The following TFDP2 variants were observed in gnomAD, a reference collection of about 807,000 sequenced individuals.
The protein encoded by TFDP2 is transcription factor Dp-2, also known as transcription factor Dp-2 (E2F dimerization partner 2).
Under a neutral mutation model 59.3 loss-of-function variants are expected in TFDP2, and 17 were observed. The observed-to-expected ratio is 0.29, with a 90% CI of 0.20 to 0.43. TFDP2 has a LOEUF of 0.43. TFDP2 is among the 20% of genes least tolerant of loss of function. The pLI is 1.00. For missense variants in TFDP2, 391 were observed against 528.8 expected (o/e 0.74, Z 2.56); for synonymous variants, 180 against 194.7 (o/e 0.92, Z 0.63).
chr3:142,114,399 TAAG>T (rs2061776540), intron 1 of TFDP2, among the ~76,000 whole-genome samples: 1 of 152,276 alleles, frequency 6.6e-6, no homozygotes, highest in East Asian at 1.9e-4. Context: ...TATAAATGTT[TAAG>T]AATATAAAGT....
chr3:141,984,860 T>C (rs1027090707), intron 6 of TFDP2, among the ~76,000 whole-genome samples: 1 of 152,250 alleles, frequency 6.6e-6, no homozygotes, highest in Non-Finnish European at 1.5e-5. Flanking sequence ...CCAAATTCAA[T>C]ATGAGAGGGG....
At chr3:142,018,341 A>T (rs1419332040) in intron 3 of TFDP2, among the ~76,000 whole-genome samples, 1 of 152,216 alleles carries the variant, frequency 6.6e-6, no homozygotes, top group African/African-American at 2.4e-5. Context: ...AGTATTACAT[A>T]TACTACTGCA....
chr3:142,106,099 A>C (rs1218069996), intron 1 of TFDP2, among the ~76,000 whole-genome samples: 1 of 103,448 alleles, frequency 9.7e-6, no homozygotes, highest in Non-Finnish European at 2.0e-5. Flanking sequence ...TAGAAAAAAA[A>C]CCTGTTTAAT....
chr3:141,959,715 G>T lies in TFDP2; in HGVS notation c.1010C>A (p.Ala337Glu), dbSNP rs776411928. 2.5e-6 allele frequency: 4 copies of T among 1,613,956 alleles called. No homozygotes were observed. The highest frequency in any genetic ancestry group is 1.7e-6 in the Non-Finnish European group (2 of 1,180,024). The change falls in exon 11 of 13, where the codon GCG becomes GAG. Residue 337 changes from alanine to glutamate, a missense_variant. Coordinates refer to ENST00000489671, the MANE Select transcript of TFDP2 (RefSeq NM_001178139.2). ...TAAAGCCTTTGGCACCAGGGATTTCGCAAGTTTCAGATCCTCCAGAGAGCA... is the reference window on the plus strand; with the variant it reads ...TAAAGCCTTTGGCACCAGGGATTTCTCAAGTTTCAGATCCTCCAGAGAGCA... ...GKCSLEDLKLAKSLVPKALEG... is the reference protein window; with the variant it reads ...GKCSLEDLKLEKSLVPKALEG...
In TFDP2 at chr3:142,108,573, C is replaced by T. The variant is rs187627908; in HGVS notation, c.-92-6732G>A. On this transcript the variant is annotated intron_variant, in intron 1 of 12. Transcript: ENST00000489671. ...GATTTGTCTCTATATTTCAACTTGA[C>T]AGTTGTAAATTTCCTCATTCACTTT... is the stretch of plus-strand genomic sequence containing the variant. 2.4e-4 allele frequency among the ~76,000 whole-genome samples: 37 copies of T among 152,286 alleles called. No homozygotes were observed. In the East Asian group the frequency reaches 7.1e-3, roughly 29 times the overall value.
chr3:142,019,263 C>T (rs1007340896), intron 3 of TFDP2, among the ~76,000 whole-genome samples: 67 of 152,188 alleles, frequency 4.4e-4, no homozygotes, highest in African/African-American at 1.6e-3. Flanking sequence ...GGGGTTTCAC[C>T]GTGTTGCCCA....
At chr3:142,025,796 A>T (rs1946035484) in intron 3 of TFDP2, among the ~76,000 whole-genome samples, 1 of 152,186 alleles carries the variant, frequency 6.6e-6, no homozygotes, top group South Asian at 2.1e-4. Flanking sequence ...TAATTGAAAT[A>T]ATGATTCAAT....
At chr3:141,975,260 G>T (rs537186535) in intron 7 of TFDP2, among the ~76,000 whole-genome samples, 1 of 151,906 alleles carries the variant, frequency 6.6e-6, no homozygotes, top group East Asian at 1.9e-4. Context: ...AAACCATGTT[G>T]GTTTACATTG....
rs141940101 is a variant in TFDP2 at position 142,083,302 on chromosome 3, A to G, written c.82+9759T>C. On this transcript the variant is annotated intron_variant, in intron 3 of 12. Transcript: ENST00000489671. Reference sequence around the variant, plus strand: ...TAAATACCTAGGAATTAGTCAAAGAAATGAAAGATCCCTACAATAAAAACT... The same window carrying G: ...TAAATACCTAGGAATTAGTCAAAGAGATGAAAGATCCCTACAATAAAAACT... 3.4e-3 allele frequency among the ~76,000 whole-genome samples: 512 copies of G among 152,232 alleles called. 2 individuals are homozygous for G. The highest frequency in any genetic ancestry group is 0.012 in the African/African-American group (482 of 41,544).
At chr3:142,022,185 A>G (rs1945670059) in intron 3 of TFDP2, among the ~76,000 whole-genome samples, 1 of 152,164 alleles carries the variant, frequency 6.6e-6, no homozygotes, top group African/African-American at 2.4e-5. Flanking sequence ...GATTCACTAC[A>G]AAGGGAAGAG....
chr3:142,054,555 A>G (rs1042230446), intron 3 of TFDP2, among the ~76,000 whole-genome samples: 9 of 152,194 alleles, frequency 5.9e-5, no homozygotes, highest in African/African-American at 2.2e-4. Flanking sequence ...CGTGTATCTC[A>G]GGTGGCACTT....
At chr3:142,068,478 T>C (rs1001310231) in intron 3 of TFDP2, among the ~76,000 whole-genome samples, 14 of 152,330 alleles carry the variant, frequency 9.2e-5, no homozygotes, top group Admixed American at 9.1e-4. Flanking sequence ...GTTTTTCCAC[T>C]ACCAGATAAC....
intron 9 of TFDP2, among the ~76,000 whole-genome samples, chr3:141,969,073 TGA>T (rs1432584098): frequency 6.8e-5 from 5 of 73,466 alleles, no homozygotes; most frequent in African/African-American, 2.0e-4. Context: ...CTCATATATA[TGA>T]GATATATATA....
At chr3:142,143,126 C>T (rs2063023949) in intron 1 of TFDP2, among the ~76,000 whole-genome samples, 1 of 152,134 alleles carries the variant, frequency 6.6e-6, no homozygotes, top group Non-Finnish European at 1.5e-5. Flanking sequence ...GTCCCAGCTA[C>T]TTGGGTGGCT....
At chr3:142,009,422 C>T (rs1259220812) in intron 3 of TFDP2, among the ~76,000 whole-genome samples, 2 of 152,016 alleles carry the variant, frequency 1.3e-5, no homozygotes, top group African/African-American at 4.8e-5. Context: ...TTTCTTAAAA[C>T]AAAATGTGGC....
chr3:142,089,699 T>C (rs762771719), intron 3 of TFDP2, among the ~76,000 whole-genome samples: 61 of 151,720 alleles, frequency 4.0e-4, no homozygotes, highest in Non-Finnish European at 6.8e-4. Context: ...AATAAGGAAA[T>C]GAAAAAATGT....
chr3:142,025,528 A>G (rs1225719384), intron 3 of TFDP2, among the ~76,000 whole-genome samples: 1 of 152,234 alleles, frequency 6.6e-6, no homozygotes, highest in Non-Finnish European at 1.5e-5. Flanking sequence ...TATAATCACA[A>G]TCTATGATGC....
chr3:142,008,730 G>GTA lies in TFDP2; in HGVS notation c.83-3188_83-3187dup, dbSNP rs141309554. ...ACATATATACATACGCATATAAAGTGTATATATATATACACACACATATAT... is the reference window on the plus strand; with the variant it reads ...ACATATATACATACGCATATAAAGTGTATATATATATATACACACACATATAT... On this transcript the variant is annotated intron_variant, in intron 3 of 12. Coordinates refer to ENST00000489671, the MANE Select transcript of TFDP2 (RefSeq NM_001178139.2). 8.7e-3 allele frequency among the ~76,000 whole-genome samples: 1,314 copies of GTA among 151,302 alleles called. 15 individuals are homozygous for GTA. Among genetic ancestry groups the GTA allele is most frequent in the African/African-American group, 0.029 (1,187 of 40,982 alleles).
At chr3:142,073,139 C>T (rs79718127) in intron 3 of TFDP2, among the ~76,000 whole-genome samples, 5 of 152,304 alleles carry the variant, frequency 3.3e-5, no homozygotes, top group African/African-American at 1.2e-4. Flanking sequence ...GGCAAAATCA[C>T]AGCTCCTGTG....
Sources: allele counts gnomAD v4.1 joint callset (sites outside exome capture counted in the v4.1 genomes callset), GRCh38; gene constraint gnomAD v4.1.1; transcripts MANE v1.5; gene names NCBI Gene and HGNC (gene_info 2026-07-23, HGNC 2026-07-21).